The following NOTCH2 variants were observed in gnomAD, a reference collection of about 807,000 sequenced individuals.
The protein encoded by NOTCH2 is neurogenic locus notch homolog protein 2.
In NOTCH2, 29 loss-of-function variants were observed where a neutral mutation model predicts 235.8. The ratio of observed to expected loss-of-function variants is 0.12; its 90% CI spans 0.09 to 0.17. NOTCH2 has a LOEUF of 0.17. Among genes scored for constraint, NOTCH2 ranks in the 10% least tolerant of loss-of-function variants. The pLI is 1.00. For missense variants in NOTCH2, 2,285 were observed against 3,150.2 expected (o/e 0.73, Z 6.57); for synonymous variants, 1,086 against 1,141.5 (o/e 0.95, Z 0.98).
chr1:119,920,134 G>A (rs1404901686), intron 30 of NOTCH2, 95 bp downstream of exon 30: 3 of 1,369,892 alleles, frequency 2.2e-6, no homozygotes, highest in Non-Finnish European at 3.1e-6. Flanking sequence ...AAATTGGGAA[G>A]GGGTTTATGA....
At chr1:119,935,685 A>C in intron 21 of NOTCH2, 81 bp from the exon 22 acceptor site, 1 of 1,487,690 alleles carries the variant, frequency 6.7e-7, no homozygotes, top group South Asian at 1.1e-5. Context: ...GATCTGGAAC[A>C]TTTCTGTGAC....
chr1:119,925,797 G>A lies in NOTCH2; in HGVS notation c.4019C>T (p.Ala1340Val), dbSNP rs1649454489. 6.2e-7 allele frequency: 1 copy of A among 1,614,086 alleles called. No homozygotes were observed. Among genetic ancestry groups the A allele is most frequent in the African/African-American group, 1.3e-5 (1 of 75,038 alleles). ...TTGTCCACAGCTGCTCTGGCACCTT[G>A]CCCCGGAAAATCCCTGTGGAAATCA... Reference protein sequence around the residue: ...ICRCPPGFSGARCQSSCGQVK... With the variant: ...ICRCPPGFSGVRCQSSCGQVK... The change falls in exon 25 of 34, where the codon GCA becomes GTA. Residue 1340 changes from alanine to valine, a missense_variant. Physicochemically the swap from Ala to Val is moderately conservative, Grantham distance 64. Around this residue, in one of 6 missense-constraint regions of NOTCH2, gnomAD observed 1,173 missense variants for 1,515.3 expected, o/e 0.77. Coordinates refer to ENST00000256646, the MANE Select transcript of NOTCH2 (RefSeq NM_024408.4).
chr1:119,941,826 G>A (rs1230348287), intron 17 of NOTCH2, 72 bp from the exon 18 acceptor site: 1 of 1,194,106 alleles, frequency 8.4e-7, no homozygotes, highest in African/African-American at 1.5e-5. Flanking sequence ...AAAAGTGAAT[G>A]ACCTGAACTA....
intron 22 of NOTCH2, 61 bp downstream of exon 22, chr1:119,935,411 G>A: frequency 6.2e-7 from 1 of 1,613,426 alleles, no homozygotes; most frequent in Non-Finnish European, 8.5e-7. Flanking sequence ...TGAACACTAA[G>A]AATGGATTTA....
chr1:119,955,156 C>A lies in NOTCH2; in HGVS notation c.2103G>T (p.Val701=). 3 of 1,614,154 alleles carry A rather than the reference C, an allele frequency of 1.9e-6. No individual in the cohort carries two copies. Among genetic ancestry groups the A allele is most frequent in the Non-Finnish European group, 2.5e-6 (3 of 1,180,016 alleles). ...CRKGATCING[V]NGFRCICPEG... is the part of the protein sequence containing the mutation. ...CGGGGCATATACAGCGGAAACCATT[C>A]ACACCGTTGATACATGTTGCACCCT... Residue 701 remains valine (V), a synonymous_variant, in exon 13 of 34, where the codon GTG becomes GTT. Coordinates refer to ENST00000256646, the MANE Select transcript of NOTCH2 (RefSeq NM_024408.4).
chr1:120,043,694 A>G (rs1437441831), intron 1 of NOTCH2, among the ~76,000 whole-genome samples: 3 of 146,566 alleles, frequency 2.0e-5, no homozygotes, highest in East Asian at 2.0e-4. Flanking sequence ...AAAACCAGGG[A>G]CAAGAGGGGC....
At chr1:119,985,878 G>A (rs1405796857) in intron 5 of NOTCH2, among the ~76,000 whole-genome samples, 1 of 152,176 alleles carries the variant, frequency 6.6e-6, no homozygotes, top group Non-Finnish European at 1.5e-5. Flanking sequence ...TCTAGGAGAA[G>A]TCCCAATTCT....
At chr1:119,945,636 T>G (rs947154947) in intron 17 of NOTCH2, among the ~76,000 whole-genome samples, 12 of 152,168 alleles carry the variant, frequency 7.9e-5, no homozygotes, top group Non-Finnish European at 1.5e-4. Context: ...CATTTCAAAA[T>G]GATAAATGGG....
intron 5 of NOTCH2, among the ~76,000 whole-genome samples, chr1:119,976,852 T>C (rs1651599527): frequency 6.6e-6 from 1 of 152,060 alleles, no homozygotes; most frequent in African/African-American, 2.4e-5. Context: ...GTGCCTGGGA[T>C]AGTCTTATCC....
At position 120,005,493 on chromosome 1, in the gene NOTCH2, A is replaced by C. The variant is rs1353659503; in HGVS notation, c.251T>G (p.Met84Arg). 6.2e-6 allele frequency: 10 copies of C among 1,613,466 alleles called. 1 individual carries two copies. In the South Asian group the frequency reaches 1.1e-4, roughly 18 times the overall value. Residue 84 changes from methionine to arginine, a missense_variant, in exon 3 of 34, where the codon ATG (methionine) becomes AGG (arginine). Around this residue, in one of 6 missense-constraint regions of NOTCH2, gnomAD observed 431 missense variants for 757.8 expected, o/e 0.57. Coordinates refer to ENST00000256646, the MANE Select transcript of NOTCH2 (RefSeq NM_024408.4). ...QNGGTCVAQAMLGKATCRCAS... is the reference protein window; with the variant it reads ...QNGGTCVAQARLGKATCRCAS... ...ACATCGGCACGTGGCTTTCCCCAGC[A>C]TGGCCTGGGCCACACAAGTCCCACC...
chr1:120,006,871 T>C (rs2101247520), intron 2 of NOTCH2, among the ~76,000 whole-genome samples: 1 of 152,302 alleles, frequency 6.6e-6, no homozygotes, highest in Middle Eastern at 3.4e-3. Flanking sequence ...AGACCTTTCA[T>C]TAACCATTGG....
At chr1:119,995,727 T>C (rs1652417275) in intron 4 of NOTCH2, 1 of 152,216 alleles carries the variant, frequency 6.6e-6, no homozygotes, top group Admixed American at 6.6e-5. Context: ...TTCTTGTGAC[T>C]TAAATAATAT....
chr1:119,952,136 T>G (rs1305945500), intron 14 of NOTCH2, among the ~76,000 whole-genome samples: 1 of 152,198 alleles, frequency 6.6e-6, no homozygotes. Context: ...CGGCTCTCTT[T>G]TGTGAGTTTC....
intron 32 of NOTCH2, 67 bp from the exon 33 acceptor site, chr1:119,917,829 A>C: frequency 9.9e-7 from 1 of 1,014,144 alleles, no homozygotes; most frequent in Non-Finnish European, 1.6e-6. Flanking sequence ...TATGACTTGC[A>C]CAATGAAATC....
chr1:120,015,031 C>CAAA (rs1352623801), intron 2 of NOTCH2, among the ~76,000 whole-genome samples: 15 of 137,710 alleles, frequency 1.1e-4, no homozygotes, highest in East Asian at 8.1e-4. Context: ...TTTGGCCATT[C>CAAA]AAAAAAAAAC....
chr1:120,023,160 G>A (rs1386225369), intron 2 of NOTCH2, among the ~76,000 whole-genome samples: 6 of 152,020 alleles, frequency 3.9e-5, no homozygotes, highest in Non-Finnish European at 7.4e-5. Context: ...GTCCTCAGCT[G>A]GGTGTGGTGG....
chr1:119,950,968 A>G (rs1650447811), intron 14 of NOTCH2, 131 bp from the exon 15 acceptor site: 1 of 717,262 alleles, frequency 1.4e-6, no homozygotes, highest in African/African-American at 1.7e-5. Context: ...CCACTGAAAT[A>G]CCTGTTCATT....
At chr1:120,025,006 T>G (rs1382810491) in intron 2 of NOTCH2, among the ~76,000 whole-genome samples, 1 of 144,818 alleles carries the variant, frequency 6.9e-6, no homozygotes, top group African/African-American at 2.5e-5. Context: ...ACAGTTTTGT[T>G]TTTTTTTTTA....
chr1:119,915,142 G>A lies in NOTCH2; in HGVS notation c.*164C>T. 2.7e-6 allele frequency: 2 copies of A among 731,270 alleles called. No individual in the cohort carries two copies. The highest frequency in any genetic ancestry group is 2.3e-6 in the Non-Finnish European group (1 of 427,572). 45.3% of individuals were successfully genotyped at this position (731,270 alleles called of 1,614,324 possible). On this transcript the variant is annotated 3_prime_UTR_variant, in exon 34 of 34. Transcript: ENST00000256646. ...AGCCTTGCAGATACCCAGTGAAACT[G>A]ACGAATTGCTTCTCTTGCATTATCT...
Sources: allele counts gnomAD v4.1 joint callset (sites outside exome capture counted in the v4.1 genomes callset), GRCh38; gene constraint gnomAD v4.1.1; regional missense constraint gnomAD v4.1.1; transcripts MANE v1.5; gene names NCBI Gene and HGNC (gene_info 2026-07-23, HGNC 2026-07-21).